Variants in EML1 observed in about 807,000 individuals in gnomAD.
EML1 encodes EMAP like 1.
Under a neutral mutation model 110.4 loss-of-function variants are expected in EML1, and 27 were observed. The observed-to-expected ratio is 0.24, with a 90% CI of 0.18 to 0.34. The LOEUF is 0.34. Among genes scored for constraint, EML1 ranks in the 10% least tolerant of loss-of-function variants. EML1 has a pLI of 1.00. For missense variants in EML1, 741 were observed against 1,030.9 expected (o/e 0.72, Z 3.85); for synonymous variants, 344 against 385.8 (o/e 0.89, Z 1.27).
chr14:99,884,265 A>T (rs2059437172), intron 4 of EML1, among the ~76,000 whole-genome samples: 2 of 151,924 alleles, frequency 1.3e-5, no homozygotes, highest in African/African-American at 4.8e-5. Context: ...TTTCTTGGGG[A>T]TGTCTTGGAA....
chr14:99,830,423 C>A (rs1391012869), intron 1 of EML1, among the ~76,000 whole-genome samples: 1 of 152,170 alleles, frequency 6.6e-6, no homozygotes, highest in Non-Finnish European at 1.5e-5. Context: ...TTCCTAATAC[C>A]TGGCTTTCCA....
chr14:99,880,392 C>G (rs900544717), intron 4 of EML1, among the ~76,000 whole-genome samples: 1 of 152,246 alleles, frequency 6.6e-6, no homozygotes, highest in Middle Eastern at 3.4e-3. Context: ...GACCCCTTCC[C>G]GCCTTTCTTC....
intron 13 of EML1, among the ~76,000 whole-genome samples, chr14:99,912,340 A>G (rs2059960641): frequency 1.3e-5 from 2 of 152,186 alleles, no homozygotes; most frequent in South Asian, 4.2e-4. Flanking sequence ...CCTCCCCATT[A>G]TCTACTTGGC....
At chr14:99,816,569 G>A (rs2058171497) in intron 1 of EML1, among the ~76,000 whole-genome samples, 1 of 152,230 alleles carries the variant, frequency 6.6e-6, no homozygotes. Flanking sequence ...GCTTCACTCA[G>A]CTCGCCTGGT....
intron 9 of EML1, chr14:99,907,385 T>C: frequency 2.3e-6 from 1 of 442,842 alleles, no homozygotes. Context: ...GGAGGATTGC[T>C]TGAGCCTGGG....
chr14:99,770,370 A>T (rs1481164359), upstream of EML1, among the ~76,000 whole-genome samples: 1 of 88,654 alleles, frequency 1.1e-5, no homozygotes, highest in Non-Finnish European at 2.3e-5. Context: ...CTTTTTAAAA[A>T]ATTTCTTTCT....
At chr14:99,793,255 C>T (rs1018665264), upstream of EML1, 20 of 862,508 alleles carry the variant, frequency 2.3e-5, no homozygotes, top group Admixed American at 1.3e-4. Context: ...CCGGGCCCCG[C>T]GGCCGCCGAG....
upstream of EML1, among the ~76,000 whole-genome samples, chr14:99,772,276 CTG>C (rs1470149665): frequency 1.3e-5 from 2 of 152,262 alleles, no homozygotes; most frequent in Non-Finnish European, 2.9e-5. Context: ...GCCTTGCAAA[CTG>C]TGTGTTTGGG....
chr14:99,739,909 G>A (rs1566843859), intron 1 of EML1, among the ~76,000 whole-genome samples: 1 of 152,080 alleles, frequency 6.6e-6, no homozygotes. Flanking sequence ...CTCTCCACTC[G>A]TGACTGGTGT....
chr14:99,808,116 A>G (rs1669306509), intron 1 of EML1, among the ~76,000 whole-genome samples: 1 of 152,054 alleles, frequency 6.6e-6, no homozygotes, highest in Non-Finnish European at 1.5e-5. Flanking sequence ...TATGATACAT[A>G]CCCCTCTGAT....
At chr14:99,903,699 A>G (rs1217408024) in intron 9 of EML1, among the ~76,000 whole-genome samples, 2 of 152,148 alleles carry the variant, frequency 1.3e-5, no homozygotes, top group East Asian at 1.9e-4. Flanking sequence ...TATGACTTTT[A>G]TACCAAATAA....
chr14:99,838,641 C>G (rs1286420237), intron 1 of EML1, among the ~76,000 whole-genome samples: 1 of 146,874 alleles, frequency 6.8e-6, no homozygotes, highest in East Asian at 2.0e-4. Flanking sequence ...TTTTTTTTTT[C>G]TTTCTCCCGT....
chr14:99,796,753 TA>T (rs916806805), intron 1 of EML1, among the ~76,000 whole-genome samples: 1 of 151,902 alleles, frequency 6.6e-6, no homozygotes, highest in Non-Finnish European at 1.5e-5. Flanking sequence ...ATTTGGGAAA[TA>T]ACTCCATATT....
At chr14:99,899,101 T>C (rs1460454859) in intron 8 of EML1, among the ~76,000 whole-genome samples, 5 of 152,172 alleles carry the variant, frequency 3.3e-5, no homozygotes, top group Admixed American at 3.3e-4. Context: ...AGCAAGACTT[T>C]AATTTGCATT....
At chr14:99,900,689 A>G (rs1024137189) in intron 8 of EML1, among the ~76,000 whole-genome samples, 1 of 152,234 alleles carries the variant, frequency 6.6e-6, no homozygotes, top group Non-Finnish European at 1.5e-5. Context: ...AAAATTGGCC[A>G]TTCAAATTCT....
chr14:99,895,534 C>A (rs2140000970), intron 6 of EML1, among the ~76,000 whole-genome samples: 1 of 152,202 alleles, frequency 6.6e-6, no homozygotes, highest in South Asian at 2.1e-4. Context: ...TGAAACTAAA[C>A]CACATTGGCA....
intron 1 of EML1, among the ~76,000 whole-genome samples, chr14:99,787,558 C>A (rs939563512): frequency 6.6e-6 from 1 of 152,054 alleles, no homozygotes; most frequent in Non-Finnish European, 1.5e-5. Context: ...GTATTCCAGG[C>A]GTGAGCCACC....
intron 5 of EML1, 179 bp from the exon 6 acceptor site, chr14:99,894,450 T>G: frequency 1.4e-6 from 1 of 709,092 alleles, no homozygotes; most frequent in East Asian, 3.5e-5. Flanking sequence ...GCAAACAAGA[T>G]GCAAACTTTT....
intron 1 of EML1, among the ~76,000 whole-genome samples, chr14:99,763,073 C>T (rs992390316): frequency 5.9e-5 from 9 of 152,186 alleles, no homozygotes; most frequent in East Asian, 5.8e-4. Flanking sequence ...GTAAGTATCA[C>T]GAGATCTGAC....
Sources: gnomAD v4.1 joint callset for allele counts (sites outside exome capture counted in the v4.1 genomes callset) on GRCh38, gnomAD v4.1.1 for gene constraint, MANE v1.5 for transcripts, NCBI Gene and HGNC (gene_info 2026-07-23, HGNC 2026-07-21) for gene names.